PLCB1: variants seen among roughly 807,000 people sequenced by gnomAD.
PLCB1 encodes 1-phosphatidylinositol 4,5-bisphosphate phosphodiesterase beta-1.
In PLCB1, 46 loss-of-function variants were observed where a neutral mutation model predicts 161.8. That is an observed-to-expected ratio of 0.28 (90% CI 0.22 to 0.36). The LOEUF is 0.36. PLCB1 is among the 10% of genes least tolerant of loss of function. The pLI is 1.00. For synonymous variants in PLCB1, 517 were observed against 503.7 expected, an observed-to-expected ratio of 1.03 and a Z score of -0.35; for missense variants, 1,016 against 1,472.5, an observed-to-expected ratio of 0.69 and a Z score of 5.07.
chr20:8,548,118 C>T (rs1031411782), intron 3 of PLCB1, among the ~76,000 whole-genome samples: 1 of 150,340 alleles, frequency 6.7e-6, no homozygotes, highest in Non-Finnish European at 1.5e-5. Flanking sequence ...TTCTTCCTTC[C>T]TTTTCTTTTT....
At chr20:8,488,000 G>C (rs1306386676) in intron 3 of PLCB1, among the ~76,000 whole-genome samples, 1 of 152,078 alleles carries the variant, frequency 6.6e-6, no homozygotes, top group Non-Finnish European at 1.5e-5. Flanking sequence ...CACTGTCCAG[G>C]ATAAAGTCAT....
chr20:8,477,156 A>G (rs1982313663), intron 3 of PLCB1, among the ~76,000 whole-genome samples: 2 of 152,180 alleles, frequency 1.3e-5, no homozygotes, highest in African/African-American at 4.8e-5. Context: ...CTGCAAGCTT[A>G]TGAGCCATAC....
At chr20:8,757,462 T>C (rs1981797040) in intron 24 of PLCB1, among the ~76,000 whole-genome samples, 1 of 152,214 alleles carries the variant, frequency 6.6e-6, no homozygotes, top group African/African-American at 2.4e-5. Flanking sequence ...CTGGCACAGT[T>C]TGAGAAGAAT....
rs181027257 is a variant in PLCB1, at chr20:8,609,187, T to C, written c.247-19107T>C. ...AAATGAGGCTACAGATTTTATTAGG[T>C]TGGTGCAAAAGTAATTGCGGTTTTT... On this transcript the variant is annotated intron_variant, in intron 3 of 31. Transcript: ENST00000338037. Among the ~76,000 whole-genome samples the C allele has an allele frequency of 2.9e-4, 44 of 152,206 alleles. No individual in the cohort carries two copies. The East Asian group carries it at 8.3e-3, about 29-fold the overall frequency.
chr20:8,138,282 A>G (rs974762772), intron 1 of PLCB1, among the ~76,000 whole-genome samples: 2 of 152,360 alleles, frequency 1.3e-5, no homozygotes, highest in Non-Finnish European at 2.9e-5. Context: ...GCAATGGTAT[A>G]TAAATGGAAT....
chr20:8,633,492 T>A (rs1300994639), intron 4 of PLCB1, among the ~76,000 whole-genome samples: 1 of 152,150 alleles, frequency 6.6e-6, no homozygotes, highest in Non-Finnish European at 1.5e-5. Context: ...GTCATCATAC[T>A]TTTTAATGAA....
intron 2 of PLCB1, among the ~76,000 whole-genome samples, chr20:8,254,704 G>A (rs1981324093): frequency 6.6e-6 from 1 of 151,892 alleles, no homozygotes; most frequent in Admixed American, 6.6e-5. Context: ...ACCGCTACGA[G>A]GCACTTTTTG....
chr20:8,786,558 C>T (rs1255065883), intron 27 of PLCB1, among the ~76,000 whole-genome samples: 1 of 152,228 alleles, frequency 6.6e-6, no homozygotes, highest in African/African-American at 2.4e-5. Flanking sequence ...ATCTCAGCCA[C>T]TTACCAGCTT....
intron 9 of PLCB1, among the ~76,000 whole-genome samples, chr20:8,683,804 A>T (rs143613957): frequency 6.6e-6 from 1 of 152,274 alleles, no homozygotes; most frequent in East Asian, 1.9e-4. Flanking sequence ...TTTCATGAGC[A>T]TTCAAATTTT....
intron 2 of PLCB1, among the ~76,000 whole-genome samples, chr20:8,173,893 T>A (rs1221762529): frequency 6.6e-6 from 1 of 152,168 alleles, no homozygotes; most frequent in Non-Finnish European, 1.5e-5. Flanking sequence ...GTGGAAATGA[T>A]AGAAGATAGT....
In PLCB1 at chr20:8,681,097, TATATATATATATATATATATATA is replaced by T. The variant is rs1019559514; in HGVS notation, c.863-3825_863-3803del. 5.7e-5 allele frequency among the ~76,000 whole-genome samples: 6 copies of T among 104,952 alleles called. 1 individual carries two copies. The highest frequency in any genetic ancestry group is 2.2e-4 in the African/African-American group (5 of 22,670). 68.9% of individuals were successfully genotyped at this position (104,952 alleles called of 152,430 possible). On this transcript the variant is annotated intron_variant, in intron 9 of 31. Transcript: ENST00000338037. ...GTATATGTGTGTGTGTATATATATA[TATATATATATATATATATATATA>T]ATATATATAAAATCAGTGTCTCATA... is the stretch of plus-strand genomic sequence containing the variant.
At chr20:8,199,412 C>T (rs931287999) in intron 2 of PLCB1, among the ~76,000 whole-genome samples, 1 of 152,110 alleles carries the variant, frequency 6.6e-6, no homozygotes, top group Non-Finnish European at 1.5e-5. Flanking sequence ...TAAAACTGCT[C>T]CAATTTCAAC....
At chr20:8,696,568 T>C (rs1370300112) in intron 10 of PLCB1, among the ~76,000 whole-genome samples, 1 of 152,184 alleles carries the variant, frequency 6.6e-6, no homozygotes, top group Non-Finnish European at 1.5e-5. Context: ...ATTGAATCTT[T>C]AGGCCAATGG....
chr20:8,151,576 C>T (rs1345295531), intron 2 of PLCB1, among the ~76,000 whole-genome samples: 1 of 152,152 alleles, frequency 6.6e-6, no homozygotes, highest in Non-Finnish European at 1.5e-5. Flanking sequence ...TTAACGCTCA[C>T]ATTTATTATT....
At chr20:8,475,400 A>G (rs1982234283) in intron 3 of PLCB1, among the ~76,000 whole-genome samples, 1 of 152,128 alleles carries the variant, frequency 6.6e-6, no homozygotes, top group Admixed American at 6.6e-5. Flanking sequence ...AACCTGGGCA[A>G]CACAGCAAGA....
At chr20:8,793,707 C>A (rs4260312) in intron 31 of PLCB1, among the ~76,000 whole-genome samples, 30 of 151,964 alleles carry the variant, frequency 2.0e-4, no homozygotes, top group African/African-American at 7.0e-4. Context: ...ACCACAGGAC[C>A]GAGGCAAAAT....
chr20:8,211,501 A>C (rs1168517598), intron 2 of PLCB1, among the ~76,000 whole-genome samples: 2 of 152,146 alleles, frequency 1.3e-5, no homozygotes, highest in Admixed American at 1.3e-4. Context: ...AGCATTTACA[A>C]ATTTTACTGA....
chr20:8,513,251 G>A (rs1271306414), intron 3 of PLCB1, among the ~76,000 whole-genome samples: 1 of 152,114 alleles, frequency 6.6e-6, no homozygotes, highest in Non-Finnish European at 1.5e-5. Context: ...TAATCTTTGT[G>A]GAGGCCACAC....
intron 23 of PLCB1, chr20:8,751,161 G>C: frequency 4.6e-6 from 1 of 218,018 alleles, no homozygotes; most frequent in Non-Finnish European, 9.3e-6. Context: ...AGCCAGGATG[G>C]TCTCGATCTC....
Sources: gnomAD v4.1 joint callset for allele counts (sites outside exome capture counted in the v4.1 genomes callset) on GRCh38, gnomAD v4.1.1 for gene constraint, MANE v1.5 for transcripts, NCBI Gene and HGNC (gene_info 2026-07-23, HGNC 2026-07-21) for gene names.